CAST: variants seen among roughly 807,000 people sequenced by gnomAD.
CAST encodes calpastatin, also known as MIR583 host.
A neutral mutation model predicts 119.6 loss-of-function variants in CAST; 76 were observed. The observed-to-expected ratio is 0.64, with a 90% CI of 0.53 to 0.77. The LOEUF is 0.77. CAST is among the 30% of genes least tolerant of loss of function. CAST has a pLI of 0.00. For synonymous variants in CAST, 319 were observed against 331.6 expected, an observed-to-expected ratio of 0.96 and a Z score of 0.41; for missense variants, 953 against 946.5, an observed-to-expected ratio of 1.01 and a Z score of -0.09.
the CAST span, among the ~76,000 whole-genome samples, chr5:96,418,575 G>A: frequency 5.3e-5 from 8 of 152,150 alleles, no homozygotes; most frequent in South Asian, 6.2e-4. Context: ...TCTCATTTAC[G>A]TGGTAATAAA....
the CAST span, among the ~76,000 whole-genome samples, chr5:96,419,984 C>T: frequency 6.6e-6 from 1 of 152,064 alleles, no homozygotes; most frequent in South Asian, 2.1e-4. Flanking sequence ...CCAGGATCTG[C>T]CTGGAAGGAC....
At chr5:96,741,715 G>A (rs1038075899) in intron 15 of CAST, 135 bp downstream of exon 15, 1 of 624,772 alleles carries the variant, frequency 1.6e-6, no homozygotes, top group Non-Finnish European at 2.9e-6. Context: ...GAATAGTGAA[G>A]CCAATGAGGG....
the CAST span, among the ~76,000 whole-genome samples, chr5:96,494,588 T>C: frequency 1.3e-5 from 2 of 152,198 alleles, no homozygotes; most frequent in Admixed American, 1.3e-4. Flanking sequence ...AAGCTGGCTA[T>C]GGCTGAAGTG....
chr5:96,022,469 A>G, the CAST span, among the ~76,000 whole-genome samples: 2 of 152,362 alleles, frequency 1.3e-5, no homozygotes, highest in Non-Finnish European at 2.9e-5. Context: ...CCAGGTGTGC[A>G]CAGCCAAACA....
At chr5:96,328,235 G>A in the CAST span, among the ~76,000 whole-genome samples, 1 of 152,162 alleles carries the variant, frequency 6.6e-6, no homozygotes, top group Admixed American at 6.5e-5. Context: ...GCCACTTACT[G>A]GGTTCCCAAA....
the CAST span, among the ~76,000 whole-genome samples, chr5:96,488,094 T>C: frequency 9.8e-4 from 150 of 152,338 alleles, no homozygotes; most frequent in African/African-American, 3.4e-3. Context: ...ATTAAGCAAC[T>C]TTATGCTTCA....
chr5:95,999,590 T>C, the CAST span, among the ~76,000 whole-genome samples: 1 of 152,164 alleles, frequency 6.6e-6, no homozygotes, highest in African/African-American at 2.4e-5. Flanking sequence ...GCGATTCTCC[T>C]GTCTTGGTCT....
At chr5:96,558,801 C>A (rs1401544398) in intron 1 of CAST, among the ~76,000 whole-genome samples, 1 of 152,202 alleles carries the variant, frequency 6.6e-6, no homozygotes, top group Non-Finnish European at 1.5e-5. Context: ...AGTACCATTC[C>A]TTCTGAAACT....
At chr5:96,636,377 C>G (rs964721929) in intron 1 of CAST, among the ~76,000 whole-genome samples, 2 of 152,168 alleles carry the variant, frequency 1.3e-5, no homozygotes, top group African/African-American at 4.8e-5. Context: ...TTACTTTATA[C>G]TAAAGGAAAT....
chr5:96,509,197 A>G, the CAST span, among the ~76,000 whole-genome samples: 1 of 152,234 alleles, frequency 6.6e-6, no homozygotes, highest in South Asian at 2.1e-4. Flanking sequence ...AGCAATTACG[A>G]TCAGCAAAGA....
chr5:96,515,657 G>T, the CAST span, among the ~76,000 whole-genome samples: 7 of 151,972 alleles, frequency 4.6e-5, no homozygotes, highest in Non-Finnish European at 8.8e-5. Flanking sequence ...TGTTTCCCAG[G>T]CTCCCTTGCC....
the CAST span, among the ~76,000 whole-genome samples, chr5:96,184,720 G>T: frequency 6.6e-6 from 1 of 152,158 alleles, no homozygotes; most frequent in Non-Finnish European, 1.5e-5. Flanking sequence ...ATTCCATGGT[G>T]TATATGTACC....
At chr5:96,173,471 A>C in the CAST span, among the ~76,000 whole-genome samples, 1 of 152,262 alleles carries the variant, frequency 6.6e-6, no homozygotes, top group Non-Finnish European at 1.5e-5. Context: ...TGAAAGTTTA[A>C]CATTTGGAGC....
At chr5:96,571,621 C>A (rs540905514) in intron 1 of CAST, among the ~76,000 whole-genome samples, 2 of 152,146 alleles carry the variant, frequency 1.3e-5, no homozygotes, top group Non-Finnish European at 2.9e-5. Flanking sequence ...TTCCAGGAAG[C>A]AAAGGGGAAA....
the CAST span, among the ~76,000 whole-genome samples, chr5:96,472,901 A>T: frequency 6.6e-6 from 1 of 152,340 alleles, no homozygotes; most frequent in Non-Finnish European, 1.5e-5. Context: ...TGTTGGCAGT[A>T]TCATACTCCC....
At chr5:96,412,904 C>CA in the CAST span, 1 of 915,020 alleles carries the variant, frequency 1.1e-6, no homozygotes, top group Non-Finnish European at 1.3e-6. Context: ...CCCTCCCACC[C>CA]CAACTAAATG....
chr5:96,624,680 A>T (rs530498739), intron 1 of CAST, among the ~76,000 whole-genome samples: 1 of 152,326 alleles, frequency 6.6e-6, no homozygotes, highest in Admixed American at 6.5e-5. Flanking sequence ...TTGTTTATGA[A>T]TGTGGCCATT....
At position 96,773,905 on chromosome 5, in the gene CAST, G is replaced by C. The variant is rs1266376690; in HGVS notation, c.*1289G>C. ...ATGACTTAGCTGACTTGTGGCAGCG[G>C]GGCAAGCAAAAACAATAACACTGCT... On this transcript the variant is annotated 3_prime_UTR_variant, in exon 32 of 32. Transcript: ENST00000675179. The C allele has an allele frequency of 6.6e-6, 1 of 152,206 alleles. No homozygotes were observed. The highest frequency in any genetic ancestry group is 2.4e-5 in the African/African-American group (1 of 41,406). The allele number at this position is 152,206 out of a possible 1,614,324, so 9.4% of individuals were successfully genotyped here. A position where few individuals can be genotyped will look rare whatever the true frequency, so the allele number is the denominator to read the frequency against.
At chr5:96,375,158 A>G in the CAST span, among the ~76,000 whole-genome samples, 2 of 152,202 alleles carry the variant, frequency 1.3e-5, no homozygotes, top group Admixed American at 6.5e-5. Flanking sequence ...CTCAGTTATG[A>G]TAGCTAGAAA....
Sources: gnomAD v4.1 joint callset for allele counts (sites outside exome capture counted in the v4.1 genomes callset) on GRCh38, gnomAD v4.1.1 for gene constraint, MANE v1.5 for transcripts, NCBI Gene and HGNC (gene_info 2026-07-23, HGNC 2026-07-21) for gene names.